The following RBMS3 variants were observed in gnomAD, a reference collection of about 807,000 sequenced individuals.
RBMS3 encodes the protein RNA binding motif single stranded interacting protein 3.
RBMS3 carries 27 observed loss-of-function variants against 66.8 expected under a neutral mutation model. That is an observed-to-expected ratio of 0.40 (90% CI 0.30 to 0.56). The LOEUF (loss-of-function observed/expected upper bound fraction) is 0.56, where lower values mean the gene tolerates loss of function less well. Ranked by LOEUF, RBMS3 falls within the 20% of genes least tolerant of loss-of-function variation. RBMS3 has a pLI of 0.40. For missense variants in RBMS3, 513 were observed against 549.5 expected (o/e 0.93, Z 0.66); for synonymous variants, 188 against 183.0 (o/e 1.03, Z -0.22).
intron 4 of RBMS3, among the ~76,000 whole-genome samples, chr3:29,599,146 G>C (rs936865017): frequency 3.4e-5 from 5 of 148,094 alleles, no homozygotes; most frequent in African/African-American, 5.0e-5. Flanking sequence ...GGTGGGCAGA[G>C]AGTGGAGATT....
chr3:29,700,410 G>A (rs1440673878), intron 4 of RBMS3, among the ~76,000 whole-genome samples: 1 of 152,182 alleles, frequency 6.6e-6, no homozygotes, highest in African/African-American at 2.4e-5. Context: ...ATGAGCTTAT[G>A]AGGCTCCAGA....
At chr3:29,401,546 T>C (rs1437721293) in intron 1 of RBMS3, among the ~76,000 whole-genome samples, 2 of 152,032 alleles carry the variant, frequency 1.3e-5, no homozygotes, top group Non-Finnish European at 2.9e-5. Flanking sequence ...ACTACTGCTT[T>C]CTTAAACTTA....
intron 4 of RBMS3, among the ~76,000 whole-genome samples, chr3:29,727,600 T>TA (rs576116647): frequency 3.7e-4 from 56 of 151,974 alleles, no homozygotes; most frequent in African/African-American, 9.2e-4. Flanking sequence ...CAACAAATAT[T>TA]AAAAAAAGGT....
At chr3:29,582,187 TA>T (rs969486153) in intron 3 of RBMS3, among the ~76,000 whole-genome samples, 2 of 149,146 alleles carry the variant, frequency 1.3e-5, no homozygotes, top group Admixed American at 1.3e-4. Context: ...GATAGATAGA[TA>T]GATAGATACA....
intron 7 of RBMS3, among the ~76,000 whole-genome samples, chr3:29,882,913 C>T (rs1219018664): frequency 6.6e-6 from 1 of 152,040 alleles, no homozygotes; most frequent in Non-Finnish European, 1.5e-5. Context: ...TTTATAGACT[C>T]ACAGGAAGTT....
intron 10 of RBMS3, among the ~76,000 whole-genome samples, chr3:29,929,409 C>T (rs1364730477): frequency 6.6e-6 from 1 of 152,046 alleles, no homozygotes; most frequent in African/African-American, 2.4e-5. Context: ...AGAAATACTT[C>T]AATATGACAT....
In RBMS3 at chr3:29,764,766, C is replaced by A. The variant is rs566719651; in HGVS notation, c.637+1777C>A. ...ATGCTGAAGACAAAGAAAGTCACTA[C>A]AAATCCCCAAATGTCTGGGCATCCT... On this transcript the variant is annotated intron_variant, in intron 6 of 14. Coordinates refer to ENST00000383767, the MANE Select transcript of RBMS3 (RefSeq NM_001003793.3). Among the ~76,000 whole-genome samples the A allele has an allele frequency of 2.6e-5, 4 of 152,080 alleles. No individual in the cohort carries two copies. The East Asian group carries it at 7.8e-4, about 30-fold the overall frequency.
chr3:29,647,645 C>T (rs374646945), intron 4 of RBMS3, among the ~76,000 whole-genome samples: 2 of 152,134 alleles, frequency 1.3e-5, no homozygotes, highest in Non-Finnish European at 2.9e-5. Context: ...ACATATCTCT[C>T]GCAGGCTGGG....
At chr3:29,861,413 A>C (rs2059213849) in intron 6 of RBMS3, among the ~76,000 whole-genome samples, 1 of 152,198 alleles carries the variant, frequency 6.6e-6, no homozygotes, top group Admixed American at 6.5e-5. Flanking sequence ...GTAATGTTAT[A>C]GCAATAAAGA....
intron 6 of RBMS3, among the ~76,000 whole-genome samples, chr3:29,819,963 T>G (rs1435453923): frequency 6.6e-6 from 1 of 151,960 alleles, no homozygotes; most frequent in Non-Finnish European, 1.5e-5. Flanking sequence ...GGAAGGCCAG[T>G]GCAGGTGGAT....
At chr3:29,882,253 G>T (rs1344533436) in intron 7 of RBMS3, among the ~76,000 whole-genome samples, 1 of 152,068 alleles carries the variant, frequency 6.6e-6, no homozygotes, top group Non-Finnish European at 1.5e-5. Context: ...CTTCATCCTG[G>T]GAAGAATTTA....
intron 4 of RBMS3, among the ~76,000 whole-genome samples, chr3:29,653,985 T>A (rs2050233213): frequency 1.3e-5 from 2 of 152,220 alleles, no homozygotes; most frequent in Non-Finnish European, 1.5e-5. Flanking sequence ...TACTGTTCTC[T>A]GCACAAGAAT....
rs77406884 is a variant in RBMS3 at position 29,937,586 on chromosome 3, C to G, written c.1050+1390C>G. 4.0e-3 allele frequency among the ~76,000 whole-genome samples: 608 copies of G among 152,070 alleles called. 4 individuals are homozygous for G. The highest frequency in any genetic ancestry group is 7.0e-3 in the Non-Finnish European group (476 of 67,920). On this transcript the variant is annotated intron_variant, in intron 11 of 14. Coordinates refer to ENST00000383767, the MANE Select transcript of RBMS3 (RefSeq NM_001003793.3). ...AGTAACATAAACAAAGTGCCTATCA[C>G]TAAGATCTCAGTTGCAGAACCTGTA... is the stretch of plus-strand genomic sequence containing the variant.
intron 1 of RBMS3, among the ~76,000 whole-genome samples, chr3:29,299,079 G>C (rs1238694461): frequency 6.6e-6 from 1 of 151,886 alleles, no homozygotes; most frequent in Non-Finnish European, 1.5e-5. Flanking sequence ...AAAGGGCAAG[G>C]ACTGTTGGAG....
chr3:29,869,533 T>G (rs2059440314), intron 7 of RBMS3, among the ~76,000 whole-genome samples: 1 of 152,090 alleles, frequency 6.6e-6, no homozygotes, highest in Non-Finnish European at 1.5e-5. Context: ...GGGAGAAAAG[T>G]TGATACATAC....
intron 1 of RBMS3, among the ~76,000 whole-genome samples, chr3:29,316,603 T>C (rs9851043): frequency 0.028 from 4,174 of 151,692 alleles, 185 homozygotes; most frequent in African/African-American, 0.095. Flanking sequence ...CCTAAACAAA[T>C]GAGTTTAGGT....
chr3:29,811,923 T>C (rs2057741583), intron 6 of RBMS3, among the ~76,000 whole-genome samples: 1 of 152,198 alleles, frequency 6.6e-6, no homozygotes, highest in Non-Finnish European at 1.5e-5. Flanking sequence ...AAGATATTGG[T>C]CTTTTTGTGA....
chr3:29,349,267 A>T (rs577569679), intron 1 of RBMS3, among the ~76,000 whole-genome samples: 3 of 152,126 alleles, frequency 2.0e-5, no homozygotes, highest in African/African-American at 7.2e-5. Context: ...TGGACAGGAG[A>T]CAAAAAAGCT....
chr3:29,390,948 AAT>A (rs1327109777), intron 1 of RBMS3: 1 of 219,688 alleles, frequency 4.6e-6, no homozygotes, highest in African/African-American at 2.2e-5. Flanking sequence ...TACCATGGGG[AAT>A]TTGTAAAGTA....
Sources: gnomAD v4.1 joint callset for allele counts (sites outside exome capture counted in the v4.1 genomes callset) on GRCh38, gnomAD v4.1.1 for gene constraint, MANE v1.5 for transcripts, NCBI Gene and HGNC (gene_info 2026-07-23, HGNC 2026-07-21) for gene names.